C12orf76: variants seen among roughly 807,000 people sequenced by gnomAD.
C12orf76 encodes the protein uncharacterized protein C12orf76.
C12orf76 carries 6 observed loss-of-function variants against 6.8 expected under a neutral mutation model. That is an observed-to-expected ratio of 0.88 (90% CI 0.48 to 1.73). C12orf76 has a LOEUF of 1.73. Among genes scored for constraint, C12orf76 ranks in the 40% most tolerant of loss-of-function variants. C12orf76 has a pLI of 0.01. For synonymous variants in C12orf76, 56 were observed against 43.7 expected (o/e 1.28, Z -1.11); for missense variants, 99 against 98.2 (o/e 1.01, Z -0.03).
At chr12:110,065,845 A>G in intron 2 of C12orf76, 2 of 1,613,306 alleles carry the variant, frequency 1.2e-6, no homozygotes, top group East Asian at 4.5e-5. Flanking sequence ...GTCTGGCTCT[A>G]CCCTCCTCTC....
intron 1 of C12orf76, among the ~76,000 whole-genome samples, chr12:110,045,278 T>G (rs1474289815): frequency 6.6e-6 from 1 of 152,222 alleles, no homozygotes; most frequent in African/African-American, 2.4e-5. Context: ...ATCTCGCATT[T>G]TGGAAGAACT....
upstream of C12orf76, among the ~76,000 whole-genome samples, chr12:110,053,787 C>T (rs910872828): frequency 6.6e-6 from 1 of 151,994 alleles, no homozygotes; most frequent in Admixed American, 6.6e-5. Flanking sequence ...TGGATTCATA[C>T]AATGGGATGC....
intron 1 of C12orf76, among the ~76,000 whole-genome samples, chr12:110,067,182 T>G (rs969362553): frequency 6.6e-6 from 1 of 152,212 alleles, no homozygotes; most frequent in Non-Finnish European, 1.5e-5. Flanking sequence ...ATCTAAAGAA[T>G]TCTCCTAGGT....
At chr12:110,050,732 G>A (rs936491569), upstream of C12orf76, 2 of 481,026 alleles carry the variant, frequency 4.2e-6, no homozygotes, top group African/African-American at 1.9e-5. Flanking sequence ...TGCCTAACCA[G>A]CAGCCCTCGG....
chr12:110,068,308 A>AAGT (rs1892912513), upstream of C12orf76, among the ~76,000 whole-genome samples: 2 of 146,068 alleles, frequency 1.4e-5, no homozygotes, highest in African/African-American at 5.0e-5. Context: ...GAAGAAGAAG[A>AAGT]AGAAGAAGAA....
chr12:110,046,287 G>A (rs184321382), intron 1 of C12orf76, among the ~76,000 whole-genome samples: 27 of 152,158 alleles, frequency 1.8e-4, no homozygotes, highest in Admixed American at 1.4e-3. Flanking sequence ...TTACCTGGGC[G>A]TGGTGGCACA....
chr12:110,061,614 G>A (rs561839720), intron 2 of C12orf76, among the ~76,000 whole-genome samples: 16 of 150,428 alleles, frequency 1.1e-4, no homozygotes, highest in African/African-American at 3.7e-4. Context: ...TTGGCTCACC[G>A]CAACCTCTGC....
At chr12:110,052,619 C>T (rs189709761), upstream of C12orf76, among the ~76,000 whole-genome samples, 1 of 152,312 alleles carries the variant, frequency 6.6e-6, no homozygotes, top group Non-Finnish European at 1.5e-5. Flanking sequence ...GCCATCGCGT[C>T]CAGCCTAAAG....
At chr12:110,072,251 A>T (rs962937855), upstream of C12orf76, among the ~76,000 whole-genome samples, 3 of 150,174 alleles carry the variant, frequency 2.0e-5, no homozygotes, top group African/African-American at 7.4e-5. Flanking sequence ...ACATAGTGAG[A>T]CCCCAAATCT....
rs1892306291 is a variant in C12orf76, at chr12:110,041,347, CAAGAT to C, written c.*1022_*1026del. On this transcript the variant is annotated 3_prime_UTR_variant, in exon 2 of 2. Transcript: ENST00000615315. ...TTAAAATCAGTGCTGTGCTTGAACA[CAAGAT>C]AAGCATTTCAATTTAATAACAAAAT... is the stretch of plus-strand genomic sequence containing the variant. 7 of 152,702 alleles carry C rather than the reference CAAGAT, an allele frequency of 4.6e-5. No individual in the cohort carries two copies. The South Asian group carries it at 1.5e-3, about 32-fold the overall frequency. 9.5% of individuals were successfully genotyped at this position (152,702 alleles called of 1,614,324 possible).
chr12:110,048,239 A>AC (rs1300666017), intron 1 of C12orf76, 124 bp downstream of exon 1: 3 of 1,223,016 alleles, frequency 2.5e-6, no homozygotes, highest in Admixed American at 7.6e-5. Context: ...CCTCACCTGC[A>AC]CCCCCCGCAC....
chr12:110,062,787 TA>T (rs1385642532), intron 2 of C12orf76, among the ~76,000 whole-genome samples: 24 of 118,130 alleles, frequency 2.0e-4, no homozygotes, highest in African/African-American at 6.4e-4. Flanking sequence ...GCCCAGCTAA[TA>T]TTTTTTTTTT....
At chr12:110,070,493 G>A (rs1050052371), upstream of C12orf76, among the ~76,000 whole-genome samples, 2 of 152,104 alleles carry the variant, frequency 1.3e-5, no homozygotes, top group African/African-American at 4.8e-5. Context: ...ATGAGCCTGA[G>A]AAGTTGAGGC....
upstream of C12orf76, chr12:110,048,724 G>A (rs1892519849): frequency 1.7e-6 from 2 of 1,172,640 alleles, no homozygotes; most frequent in Non-Finnish European, 2.1e-6. Flanking sequence ...TCAACTTTCC[G>A]TCTGTGCCAA....
chr12:110,065,677 G>A (rs527843346), intron 2 of C12orf76, among the ~76,000 whole-genome samples: 19 of 152,186 alleles, frequency 1.2e-4, no homozygotes, highest in African/African-American at 2.2e-4. Flanking sequence ...GTCCCTCACC[G>A]TCATTCTGGT....
At chr12:110,058,922 T>C in intron 3 of C12orf76, 1 of 1,465,786 alleles carries the variant, frequency 6.8e-7, no homozygotes, top group Non-Finnish European at 9.1e-7. Context: ...CTTTTGCAAT[T>C]CTTACTCCCC....
At chr12:110,072,875 G>A (rs1408978550) in intron 1 of C12orf76, among the ~76,000 whole-genome samples, 4 of 151,336 alleles carry the variant, frequency 2.6e-5, no homozygotes, top group African/African-American at 7.3e-5. Flanking sequence ...CTGAACCCAG[G>A]AGGCGGAGGT....
intron 4 of C12orf76, chr12:110,056,988 A>G (rs897842448): frequency 3.4e-6 from 2 of 585,704 alleles, no homozygotes; most frequent in Non-Finnish European, 6.1e-6. Flanking sequence ...ACATCCATCA[A>G]GGGGCACTCA....
chr12:110,072,923 G>A (rs2137244798), intron 1 of C12orf76, among the ~76,000 whole-genome samples: 1 of 150,962 alleles, frequency 6.6e-6, no homozygotes, highest in African/African-American at 2.4e-5. Context: ...ACTCCAGCCT[G>A]GGGTACAAGA....
Sources: gnomAD v4.1 joint callset for allele counts (sites outside exome capture counted in the v4.1 genomes callset) on GRCh38, gnomAD v4.1.1 for gene constraint, MANE v1.5 for transcripts, NCBI Gene and HGNC (gene_info 2026-07-23, HGNC 2026-07-21) for gene names.